APC2: variants seen among roughly 807,000 people sequenced by gnomAD.
APC2 encodes the protein adenomatous polyposis coli protein 2.
In APC2, 41 loss-of-function variants were observed where a neutral mutation model predicts 72.5. The ratio of observed to expected loss-of-function variants is 0.57; its 90% CI spans 0.44 to 0.73. The LOEUF is 0.73. Ranked by LOEUF, APC2 falls within the 30% of genes least tolerant of loss-of-function variation. The pLI is 0.00. For missense variants in APC2, 3,729 were observed against 3,403.4 expected (o/e 1.10, Z -2.38); for synonymous variants, 1,898 against 1,612.0 (o/e 1.18, Z -4.25).
Position 1,469,111 on chromosome 19 carries a change from C to T in APC2, c.5810C>T (p.Ala1937Val), listed in dbSNP as rs767585805. The T allele has an allele frequency of 3.8e-5, 53 of 1,386,308 alleles. No individual in the cohort carries two copies. The South Asian group carries it at 8.2e-4, about 22-fold the overall frequency. The allele number at this position is 1,386,308 out of a possible 1,614,324, so 85.9% of individuals were successfully genotyped here. ...CGGATCCCGTTCATGCAGAGGCCGG[C>T]CCGGCGTGGGCCGCCACCGCTGGCT... is the stretch of plus-strand genomic sequence containing the variant. Reference protein sequence around the residue: ...PVRIPFMQRPARRGPPPLARA... With the variant: ...PVRIPFMQRPVRRGPPPLARA... The change falls in exon 15 of 15, where the codon GCC (alanine) becomes GTC (valine). Residue 1937 changes from alanine (A) to valine (V), a missense_variant. By Grantham distance (64) the Ala-to-Val change is moderately conservative. Coordinates refer to ENST00000590469, the MANE Select transcript of APC2 (RefSeq NM_005883.3).
chr19:1,448,294 C>T (rs1197954856), upstream of APC2, among the ~76,000 whole-genome samples: 1 of 152,132 alleles, frequency 6.6e-6, no homozygotes, highest in Non-Finnish European at 1.5e-5. Flanking sequence ...GCCTTCCAGC[C>T]TCCAGAAAAA....
intron 1 of APC2, 103 bp downstream of exon 1, chr19:1,450,441 T>C (rs1320777509): frequency 4.6e-6 from 4 of 878,804 alleles, no homozygotes; most frequent in Non-Finnish European, 5.5e-6. Flanking sequence ...CTCTGGACCC[T>C]CCATTTCCCC....
chr19:1,466,623 G>T lies in APC2; in HGVS notation c.3322G>T (p.Ala1108Ser), dbSNP rs763962053. ...EGLEEAGPSEAELDSTWRAPG... is the reference protein window; with the variant it reads ...EGLEEAGPSESELDSTWRAPG... ...GCTGGAGGAGGCCGGCCCCAGCGAG[G>T]CTGAGCTGGACAGCACGTGGCGGGC... is the stretch of plus-strand genomic sequence containing the variant. Residue 1108 changes from alanine to serine, a missense_variant, in exon 15 of 15, where the codon GCT (alanine) becomes TCT (serine). Coordinates refer to ENST00000590469, the MANE Select transcript of APC2 (RefSeq NM_005883.3). The T allele has an allele frequency of 9.2e-6, 14 of 1,521,426 alleles. No individual in the cohort carries two copies. The South Asian group carries it at 1.5e-4, about 16-fold the overall frequency. The allele number at this position is 1,521,426 out of a possible 1,614,324, so 94.2% of individuals were successfully genotyped here.
At position 1,465,541 on chromosome 19, in the gene APC2, C is replaced by T. The variant is rs1227262299; in HGVS notation, c.2240C>T (p.Pro747Leu). 3.9e-6 allele frequency: 6 copies of T among 1,532,022 alleles called. No individual in the cohort carries two copies. Among genetic ancestry groups the T allele is most frequent in the African/African-American group, 1.4e-5 (1 of 71,878 alleles). 94.9% of individuals were successfully genotyped at this position (1,532,022 alleles called of 1,614,324 possible). ...CTGGAGCACCTGGAGAAGCAGGGCC[C>T]GCCGGCAGCCGAGGCCGCCACTAAG... ...QALEHLEKQG[P>L]PAAEAATKKP... is the part of the protein sequence containing the mutation. Residue 747 changes from proline (P) to leucine (L), a missense_variant, in exon 15 of 15, where the codon CCG becomes CTG. Pro to Leu is a moderately conservative substitution (Grantham distance 98, BLOSUM62 -3). Transcript: ENST00000590469.
rs1599171833 is a variant in APC2 at position 1,472,763 on chromosome 19, G to A, written c.*2550G>A. On this transcript the variant is annotated 3_prime_UTR_variant, in exon 15 of 15. Coordinates refer to ENST00000590469, the MANE Select transcript of APC2 (RefSeq NM_005883.3). ...CCCACTGCAAGGCCTCCCTCCCACC[G>A]CGGCCCCTGCCTGGCCACCTGGCCT... is the stretch of plus-strand genomic sequence containing the variant. 2 of 152,524 alleles carry A rather than the reference G, an allele frequency of 1.3e-5. No individual in the cohort carries two copies. The highest frequency in any genetic ancestry group is 2.9e-5 in the Non-Finnish European group (2 of 68,338). 9.4% of individuals were successfully genotyped at this position (152,524 alleles called of 1,614,324 possible).
At chr19:1,456,791 C>A in intron 8 of APC2, 62 bp from the exon 9 acceptor site, 1 of 1,538,234 alleles carries the variant, frequency 6.5e-7, no homozygotes, top group African/African-American at 1.4e-5. Flanking sequence ...GGGCTCCGAC[C>A]GGGTTTCCAG....
Position 1,467,379 on chromosome 19 carries a change from T to C in APC2, c.4078T>C (p.Ser1360Pro), listed in dbSNP as rs778482906. The change falls in exon 15 of 15, where the codon TCC becomes CCC. Residue 1360 changes from serine to proline, a missense_variant. Physicochemically the swap from Ser to Pro is moderately conservative, Grantham distance 74. Transcript: ENST00000590469. ...GCCTGCCCGGCTGCGCAAGGTGGCC[T>C]CCGCGCTGGTGCCAGGTCGCCGCGC... ...AVPARLRKVA[S>P]ALVPGRRALP... is the part of the protein sequence containing the mutation. 9 of 1,485,336 alleles carry C rather than the reference T, an allele frequency of 6.1e-6. No homozygotes were observed. Among genetic ancestry groups the C allele is most frequent in the African/African-American group, 2.9e-5 (2 of 68,632 alleles). 92.0% of individuals were successfully genotyped at this position (1,485,336 alleles called of 1,614,324 possible).
chr19:1,450,098 T>A, upstream of APC2: 1 of 973,076 alleles, frequency 1.0e-6, no homozygotes, highest in Non-Finnish European at 1.2e-6. Context: ...CCCGCATCCC[T>A]CATCCCGCAT....
Position 1,465,987 on chromosome 19 carries a change from C to A in APC2, c.2686C>A (p.Arg896Ser). The change falls in exon 15 of 15, where the codon CGC becomes AGC. Residue 896 changes from arginine (R) to serine (S), a missense_variant. Arg to Ser is a moderately radical substitution (Grantham distance 110). Transcript: ENST00000590469. ...CCGCGCCCAGTCCTGCTCGCCATGC[C>A]GCGGCCCGGAGGGCGGGCGGCGAGA... ...EGRAQSCSPC[R>S]GPEGGRREAG... 1.3e-6 allele frequency: 2 copies of A among 1,522,420 alleles called. No individual in the cohort carries two copies. Among genetic ancestry groups the A allele is most frequent in the Non-Finnish European group, 1.7e-6 (2 of 1,144,198 alleles). The allele number at this position is 1,522,420 out of a possible 1,614,324, so 94.3% of individuals were successfully genotyped here. A position where few individuals can be genotyped will look rare whatever the true frequency, so the allele number is the denominator to read the frequency against.
At chr19:1,447,211 C>T (rs1340361947), upstream of APC2, among the ~76,000 whole-genome samples, 2 of 152,228 alleles carry the variant, frequency 1.3e-5, no homozygotes, top group African/African-American at 2.4e-5. Context: ...CTCTATCCTC[C>T]CGCGATGACC....
upstream of APC2, among the ~76,000 whole-genome samples, chr19:1,447,826 G>A (rs1467814118): frequency 2.0e-5 from 3 of 152,150 alleles, no homozygotes; most frequent in Admixed American, 6.5e-5. Flanking sequence ...GCTGGCACAG[G>A]TGAACTCAGG....
Position 1,470,443 on chromosome 19 carries a change from T to A in APC2, c.*230T>A. On this transcript the variant is annotated 3_prime_UTR_variant, in exon 15 of 15. Coordinates refer to ENST00000590469, the MANE Select transcript of APC2 (RefSeq NM_005883.3). ...GAGGAAACGGGGCGGCCGCTAGGCC[T>A]CAAGTCCCGACCGTGGAGCGCTGGC... 1 of 613,860 alleles carries A rather than the reference T, an allele frequency of 1.6e-6. No homozygotes were observed. The highest frequency in any genetic ancestry group is 2.6e-6 in the Non-Finnish European group (1 of 384,532). The allele number at this position is 613,860 out of a possible 1,614,324, so 38.0% of individuals were successfully genotyped here.
upstream of APC2, among the ~76,000 whole-genome samples, chr19:1,448,876 A>G (rs1359180832): frequency 1.3e-5 from 2 of 152,072 alleles, no homozygotes; most frequent in African/African-American, 4.8e-5. Context: ...AGAAAAAGAA[A>G]AAAGAAAAGA....
In APC2 at chr19:1,470,059, TG is replaced by T; in HGVS notation, c.6764del (p.Gly2255AlafsTer80). 1 of 1,585,046 alleles carries T rather than the reference TG, an allele frequency of 6.3e-7. No individual in the cohort carries two copies. On this transcript the variant is annotated frameshift_variant, in exon 15 of 15. Coordinates refer to ENST00000590469, the MANE Select transcript of APC2 (RefSeq NM_005883.3). LOFTEE classifies it high-confidence loss of function. ...GTGCACGAGGGCCTGGGGGTCGCCG[TG>T]GGGGGCTTCCCCGCCAGCCGGCACG... ...PFVHEGLGVA[V>X]GGFPASRHGS...
At chr19:1,449,516 G>A (rs1187280304), upstream of APC2, among the ~76,000 whole-genome samples, 1 of 152,222 alleles carries the variant, frequency 6.6e-6, no homozygotes, top group Admixed American at 6.5e-5. Context: ...GGGGGAGACA[G>A]AAAGAGAGAG....
Position 1,468,869 on chromosome 19 carries a change from C to T in APC2, c.5568C>T (p.Ser1856=), listed in dbSNP as rs1599163937. ...AGACCTCGGAGCTGGCGACGCTGAG[C>T]CAGCCCCCCAGAAGCGCCACACCGC... ...PAKTSELATL[S]QPPRSATPPA... is the part of the protein sequence containing the mutation. The change falls in exon 15 of 15, where the codon AGC becomes AGT. Residue 1856 remains serine (S), a synonymous_variant. Coordinates refer to ENST00000590469, the MANE Select transcript of APC2 (RefSeq NM_005883.3). The T allele has an allele frequency of 1.3e-6, 2 of 1,542,274 alleles. No individual in the cohort carries two copies. The highest frequency in any genetic ancestry group is 1.4e-5 in the African/African-American group (1 of 71,538).
Position 1,467,440 on chromosome 19 carries a change from C to A in APC2, c.4139C>A (p.Pro1380Gln). The stretch of plus-strand genomic sequence containing the variant: ...CCCGTCTACATGTTGGTGCCCGCCC[C>A]GGCCCCGGCCCAGGAGGACGACTCC... ...PVPVYMLVPA[P>Q]APAQEDDSCT... Residue 1380 changes from proline (P) to glutamine (Q), a missense_variant, in exon 15 of 15, where the codon CCG becomes CAG. By Grantham distance (76) the Pro-to-Gln change is moderately conservative (BLOSUM62 -1). Coordinates refer to ENST00000590469, the MANE Select transcript of APC2 (RefSeq NM_005883.3). 1 of 1,478,076 alleles carries A rather than the reference C, an allele frequency of 6.8e-7. No homozygotes were observed. 91.6% of individuals were successfully genotyped at this position (1,478,076 alleles called of 1,614,324 possible).
Position 1,461,146 on chromosome 19 carries a change from C to T in APC2, c.1631C>T (p.Ala544Val). The T allele has an allele frequency of 6.2e-7, 1 of 1,610,226 alleles. No homozygotes were observed. The change falls in exon 13 of 15, where the codon GCC becomes GTC. Residue 544 changes from alanine to valine, a missense_variant. By Grantham distance (64) the Ala-to-Val change is moderately conservative (BLOSUM62 0). Coordinates refer to ENST00000590469, the MANE Select transcript of APC2 (RefSeq NM_005883.3). ...GCCCTGGTGCAGTGTGTCCTGCGGGCCACCAAGGTGGGCACCCGGTGGGCG... is the reference window on the plus strand; with the variant it reads ...GCCCTGGTGCAGTGTGTCCTGCGGGTCACCAAGGTGGGCACCCGGTGGGCG... ...VTALVQCVLR[A>V]TKESTLKSVL...
rs762185266 is a variant in APC2 at position 1,466,590 on chromosome 19, C to T, written c.3289C>T (p.Leu1097=). The change falls in exon 15 of 15, where the codon CTG becomes TTG. Residue 1097 remains leucine, a synonymous_variant. Coordinates refer to ENST00000590469, the MANE Select transcript of APC2 (RefSeq NM_005883.3). ...GGDLDDSDSS[L]EGLEEAGPSE... is the part of the protein sequence containing the mutation. ...TGACCTGGATGACAGTGACTCCTCC[C>T]TGGAGGGGCTGGAGGAGGCCGGCCC... is the stretch of plus-strand genomic sequence containing the variant. 1.9e-6 allele frequency: 3 copies of T among 1,556,290 alleles called. No individual in the cohort carries two copies. The highest frequency in any genetic ancestry group is 1.8e-5 in the Admixed American group (1 of 54,496).
Sources: gnomAD v4.1 joint callset for allele counts (sites outside exome capture counted in the v4.1 genomes callset) on GRCh38, gnomAD v4.1.1 for gene constraint, MANE v1.5 for transcripts, NCBI Gene and HGNC (gene_info 2026-07-23, HGNC 2026-07-21) for gene names.